Variants in UEVLD observed in about 807,000 individuals in gnomAD.
UEVLD encodes the protein UEV and lactate/malate dehyrogenase domains.
In UEVLD, 47 loss-of-function variants were observed where a neutral mutation model predicts 58.6. The ratio of observed to expected loss-of-function variants is 0.80; its 90% CI spans 0.63 to 1.02. The LOEUF is 1.02. Ranked by LOEUF, UEVLD falls within the 50% of genes least tolerant of loss-of-function variation. UEVLD has a pLI of 0.00. For missense variants in UEVLD, 510 were observed against 550.6 expected, an observed-to-expected ratio of 0.93 and a Z score of 0.74; for synonymous variants, 197 against 195.3, an observed-to-expected ratio of 1.01 and a Z score of -0.07.
At chr11:18,575,286 A>T in intron 3 of UEVLD, 61 bp downstream of exon 3, 1 of 1,529,566 alleles carries the variant, frequency 6.5e-7, no homozygotes, top group Non-Finnish European at 8.9e-7. Flanking sequence ...AAACAAATTT[A>T]AGTTATTAAA....
At chr11:18,564,794 C>CTA in intron 6 of UEVLD, 98 bp downstream of exon 6, 2 of 732,950 alleles carry the variant, frequency 2.7e-6, no homozygotes, top group African/African-American at 2.1e-5. Context: ...TAAGGTTTTC[C>CTA]CACGACAAAA....
chr11:18,562,614 C>A (rs1397702420), intron 6 of UEVLD, among the ~76,000 whole-genome samples: 1 of 151,926 alleles, frequency 6.6e-6, no homozygotes, highest in African/African-American at 2.4e-5. Context: ...TCTCAAACTC[C>A]TGGGCTCAAC....
Position 18,532,064 on chromosome 11 carries a change from T to C in UEVLD, c.*256A>G, listed in dbSNP as rs1850580118. ...GATTTAAATTGATGCACACTGCAGA[T>C]GAATGTTTACCCCTGCTGTAGATTT... On this transcript the variant is annotated 3_prime_UTR_variant, in exon 12 of 12. Transcript: ENST00000396197. 3.6e-6 allele frequency: 1 copy of C among 275,450 alleles called. No individual in the cohort carries two copies. The highest frequency in any genetic ancestry group is 1.4e-4 in the South Asian group (1 of 7,306). 17.1% of individuals were successfully genotyped at this position (275,450 alleles called of 1,614,324 possible).
chr11:18,536,202 T>C (rs1850787968), intron 10 of UEVLD, among the ~76,000 whole-genome samples: 1 of 152,218 alleles, frequency 6.6e-6, no homozygotes, highest in Non-Finnish European at 1.5e-5. Flanking sequence ...AACTGTGTTA[T>C]CTGAAAAAGC....
chr11:18,588,650 T>TC lies in UEVLD; in HGVS notation c.4dup (p.Glu2GlyfsTer44). The TC allele has an allele frequency of 6.2e-7, 1 of 1,609,494 alleles. No individual in the cohort carries two copies. Among genetic ancestry groups the TC allele is most frequent in the Non-Finnish European group, 8.5e-7 (1 of 1,179,798 alleles). ...CCGTCTCAGGCCCTCGCAGTCGAACTCCATCTCCAGGCCGGTCCCGAGCTA... is the reference window on the plus strand; with the variant it reads ...CCGTCTCAGGCCCTCGCAGTCGAACTCCCATCTCCAGGCCGGTCCCGAGCTA... On this transcript the variant is annotated frameshift_variant, in exon 1 of 12. Transcript: ENST00000396197. LOFTEE classifies it high-confidence loss of function.
chr11:18,573,109 CA>C (rs1429227003), intron 3 of UEVLD, among the ~76,000 whole-genome samples: 2 of 152,166 alleles, frequency 1.3e-5, no homozygotes, highest in African/African-American at 4.8e-5. Context: ...AAGACCCCAG[CA>C]TAAGAATCAA....
At chr11:18,547,168 T>A (rs1362158984) in intron 7 of UEVLD, 118 bp from the exon 8 acceptor site, 2 of 968,644 alleles carry the variant, frequency 2.1e-6, no homozygotes, top group African/African-American at 3.3e-5. Flanking sequence ...CGCCTCCCCA[T>A]AAATCAACCC....
chr11:18,582,503 C>A (rs1853297407), intron 1 of UEVLD, among the ~76,000 whole-genome samples: 1 of 144,460 alleles, frequency 6.9e-6, no homozygotes, highest in South Asian at 2.2e-4. Context: ...CTGGATAATT[C>A]TTTGGTATTT....
intron 7 of UEVLD, among the ~76,000 whole-genome samples, chr11:18,555,496 G>A (rs1357993581): frequency 6.6e-6 from 1 of 152,130 alleles, no homozygotes; most frequent in South Asian, 2.1e-4. Flanking sequence ...GCTGAGATAG[G>A]AGAATCACTT....
At chr11:18,563,280 G>A (rs1852131208) in intron 6 of UEVLD, among the ~76,000 whole-genome samples, 1 of 152,048 alleles carries the variant, frequency 6.6e-6, no homozygotes, top group South Asian at 2.1e-4. Flanking sequence ...TGACTCACTA[G>A]TACTATTTTT....
intron 9 of UEVLD, among the ~76,000 whole-genome samples, chr11:18,542,820 T>C (rs1179564631): frequency 1.3e-5 from 2 of 151,922 alleles, no homozygotes; most frequent in African/African-American, 2.4e-5. Context: ...TTAATGTGCA[T>C]GGTCTTTCTC....
chr11:18,586,482 G>A (rs1853568561), intron 1 of UEVLD, among the ~76,000 whole-genome samples: 1 of 152,110 alleles, frequency 6.6e-6, no homozygotes, highest in African/African-American at 2.4e-5. Flanking sequence ...CTCCCAAAGT[G>A]CTGGAATTAC....
intron 6 of UEVLD, among the ~76,000 whole-genome samples, chr11:18,560,126 CACACACACACACAGAGAGAG>C (rs961779644): frequency 4.6e-5 from 4 of 86,492 alleles, no homozygotes; most frequent in African/African-American, 2.0e-4. Context: ...CACACACACA[CACACACACACACAGAGAGAG>C]AAAGAAAATA....
intron 4 of UEVLD, among the ~76,000 whole-genome samples, chr11:18,568,696 CTTTT>C (rs982458686): frequency 6.6e-6 from 1 of 151,946 alleles, no homozygotes; most frequent in African/African-American, 2.4e-5. Flanking sequence ...TTTTCTATTT[CTTTT>C]TTCTTCTTTT....
rs1484076965 is a variant in UEVLD at position 18,570,211 on chromosome 11, T to C, written c.357+3A>G. The C allele has an allele frequency of 1.3e-6, 2 of 1,582,396 alleles. No individual in the cohort carries two copies. Among genetic ancestry groups the C allele is most frequent in the Admixed American group, 1.9e-5 (1 of 51,902 alleles). The stretch of plus-strand genomic sequence containing the variant: ...TTCTGTAGAAAATCCAAATTGATCT[T>C]ACATGGCTCCAGTTTTGGAGATAGG... On this transcript the variant is annotated splice_donor_region_variant and intron_variant, in intron 4 of 11. Transcript: ENST00000396197.
At chr11:18,537,324 A>ATTTTT (rs1554974951) in intron 9 of UEVLD, among the ~76,000 whole-genome samples, 1 of 131,572 alleles carries the variant, frequency 7.6e-6, no homozygotes, top group Admixed American at 7.6e-5. Context: ...ATATATATAT[A>ATTTTT]TTTTTTTTTT....
chr11:18,585,608 T>G (rs1853507274), intron 1 of UEVLD, among the ~76,000 whole-genome samples: 1 of 151,948 alleles, frequency 6.6e-6, no homozygotes, highest in African/African-American at 2.4e-5. Flanking sequence ...GGTCCTCAAA[T>G]CTATCATCTA....
intron 11 of UEVLD, 23 bp from the exon 12 acceptor site, chr11:18,532,510 T>A: frequency 6.5e-7 from 1 of 1,547,318 alleles, no homozygotes; most frequent in South Asian, 1.2e-5. Flanking sequence ...AAATAGGGAT[T>A]TAATAGAACT....
chr11:18,587,887 TC>T (rs1445852288), intron 1 of UEVLD: 1 of 152,066 alleles, frequency 6.6e-6, no homozygotes, highest in African/African-American at 2.4e-5. Context: ...TGGCGGGGAT[TC>T]CCTCAGATTG....
Sources: gnomAD v4.1 joint callset for allele counts (sites outside exome capture counted in the v4.1 genomes callset) on GRCh38, gnomAD v4.1.1 for gene constraint, MANE v1.5 for transcripts, NCBI Gene and HGNC (gene_info 2026-07-23, HGNC 2026-07-21) for gene names.